Variants in EGF observed in about 807,000 individuals in gnomAD.
EGF encodes the protein epidermal growth factor, also known as pro-epidermal growth factor.
Under a neutral mutation model 143.8 loss-of-function variants are expected in EGF, and 95 were observed. That is an observed-to-expected ratio of 0.66 (90% CI 0.56 to 0.78). The LOEUF (loss-of-function observed/expected upper bound fraction) is 0.78. Ranked by LOEUF, EGF falls within the 30% of genes least tolerant of loss-of-function variation. EGF has a pLI of 0.00. For missense variants in EGF, 1,320 were observed against 1,470.9 expected (o/e 0.90, Z 1.68); for synonymous variants, 510 against 510.5 (o/e 1.00, Z 0.01).
At chr4:109,925,988 C>G (rs1579463637) in intron 1 of EGF, among the ~76,000 whole-genome samples, 1 of 152,282 alleles carries the variant, frequency 6.6e-6, no homozygotes, top group East Asian at 1.9e-4. Flanking sequence ...AGACTAGTCT[C>G]TTTATAATAC....
In EGF at chr4:109,999,746, G is replaced by A. The variant is rs149056615; in HGVS notation, c.3073G>A (p.Ala1025Thr). 15 of 1,613,956 alleles carry A rather than the reference G, an allele frequency of 9.3e-6. No individual in the cohort carries two copies. Among genetic ancestry groups the A allele is most frequent in the African/African-American group, 2.7e-5 (2 of 74,888 alleles). The stretch of plus-strand genomic sequence containing the variant: ...CCTGAAGTGGTGGGAACTGCGCCAC[G>A]CTGGCCACGGGCAGCAGCAGAAGGT... Reference protein sequence around the residue: ...RDLKWWELRHAGHGQQQKVIV... With the variant: ...RDLKWWELRHTGHGQQQKVIV... Residue 1025 changes from alanine to threonine, a missense_variant, in exon 21 of 24, where the codon GCT becomes ACT. Physicochemically the swap from Ala to Thr is moderately conservative, Grantham distance 58. Around this residue, in one of 5 missense-constraint regions of EGF, gnomAD observed 1,186 missense variants for 1,313.7 expected, o/e 0.90. Coordinates refer to ENST00000265171, the MANE Select transcript of EGF (RefSeq NM_001963.6).
chr4:109,923,385 G>A (rs1438345116), intron 1 of EGF, among the ~76,000 whole-genome samples: 7 of 151,358 alleles, frequency 4.6e-5, no homozygotes, highest in Non-Finnish European at 1.5e-5. Context: ...GTTTATCCTT[G>A]CAATTTGAGA....
At chr4:110,003,484 C>T (rs1196789137) in intron 21 of EGF, among the ~76,000 whole-genome samples, 1 of 152,164 alleles carries the variant, frequency 6.6e-6, no homozygotes, top group Non-Finnish European at 1.5e-5. Context: ...TCTCTTGGTA[C>T]TGTCTGTGAT....
chr4:109,913,432 C>T lies in EGF; in HGVS notation c.97C>T (p.Leu33Phe), dbSNP rs1736049556. 6.2e-7 allele frequency: 1 copy of T among 1,613,780 alleles called. No homozygotes were observed. Among genetic ancestry groups the T allele is most frequent in the Admixed American group, 1.7e-5 (1 of 59,948 alleles). Residue 33 changes from leucine (L) to phenylalanine (F), a missense_variant, in exon 1 of 24, where the codon CTC becomes TTC. Physicochemically the swap from Leu to Phe is conservative, Grantham distance 22 (BLOSUM62 0). Around this residue, in one of 5 missense-constraint regions of EGF, gnomAD observed 79 missense variants for 71.2 expected, o/e 1.11. Transcript: ENST00000265171. Reference protein sequence around the residue: ...PQHWSCPEGTLAGNGNSTCVG... With the variant: ...PQHWSCPEGTFAGNGNSTCVG... Reference sequence around the variant, plus strand: ...GCACTGGAGCTGTCCTGAAGGTACTCTCGCAGGAAATGGGAATTCTACTTG... The same window carrying T: ...GCACTGGAGCTGTCCTGAAGGTACTTTCGCAGGAAATGGGAATTCTACTTG...
At chr4:109,918,335 A>C (rs1364599130) in intron 1 of EGF, among the ~76,000 whole-genome samples, 1 of 151,954 alleles carries the variant, frequency 6.6e-6, no homozygotes, top group Non-Finnish European at 1.5e-5. Context: ...TAATGGTAGA[A>C]ACAGAAATGC....
In EGF at chr4:109,992,978, A is replaced by G. The variant is rs551582184; in HGVS notation, c.2735-269A>G. ...GGGGGGAGGGGGGAGGGATAGCATT[A>G]GGAGATACACCTAAAATAAATGACG... On this transcript the variant is annotated intron_variant, in intron 18 of 23. Coordinates refer to ENST00000265171, the MANE Select transcript of EGF (RefSeq NM_001963.6). Among the ~76,000 whole-genome samples the G allele has an allele frequency of 4.8e-5, 7 of 145,530 alleles. No individual in the cohort carries two copies. The East Asian group carries it at 1.2e-3, about 24-fold the overall frequency.
chr4:109,923,152 G>A (rs1002624896), intron 1 of EGF, among the ~76,000 whole-genome samples: 4 of 151,138 alleles, frequency 2.6e-5, no homozygotes, highest in African/African-American at 7.4e-5. Flanking sequence ...ATGTCTTCAA[G>A]AGAATTATAT....
At chr4:110,001,942 G>T in intron 21 of EGF, 1 of 985,336 alleles carries the variant, frequency 1.0e-6, no homozygotes, top group Non-Finnish European at 1.2e-6. Context: ...TCTCCGCAAA[G>T]TTTCAGCTAT....
chr4:109,952,238 G>T (rs189547260), intron 5 of EGF, among the ~76,000 whole-genome samples: 1 of 152,214 alleles, frequency 6.6e-6, no homozygotes, highest in African/African-American at 2.4e-5. Flanking sequence ...TGTTGTAAAA[G>T]GTCCAAATAT....
chr4:109,916,617 C>T (rs1736705137), intron 1 of EGF, among the ~76,000 whole-genome samples: 1 of 151,792 alleles, frequency 6.6e-6, no homozygotes, highest in South Asian at 2.1e-4. Context: ...GGAATCTAGG[C>T]CTTATTTTTT....
At chr4:109,963,840 C>T (rs571123202) in intron 9 of EGF, among the ~76,000 whole-genome samples, 1 of 152,290 alleles carries the variant, frequency 6.6e-6, no homozygotes, top group Admixed American at 6.5e-5. Context: ...ATATAATGCT[C>T]ATAATGCTAT....
At chr4:109,946,152 C>T (rs1053652720) in intron 5 of EGF, among the ~76,000 whole-genome samples, 3 of 152,314 alleles carry the variant, frequency 2.0e-5, no homozygotes, top group East Asian at 1.9e-4. Context: ...ATGTCCACTT[C>T]TCTTCTCTAT....
intron 15 of EGF, among the ~76,000 whole-genome samples, chr4:109,983,113 G>A (rs543369136): frequency 1.3e-5 from 2 of 152,152 alleles, no homozygotes; most frequent in Non-Finnish European, 2.9e-5. Flanking sequence ...GTGATTATGA[G>A]CTGATCATGT....
intron 5 of EGF, among the ~76,000 whole-genome samples, chr4:109,958,721 A>G (rs1465950534): frequency 6.6e-6 from 1 of 151,954 alleles, no homozygotes; most frequent in East Asian, 1.9e-4. Context: ...TTGAGGTAGG[A>G]GTTCGAGACC....
At position 109,968,960 on chromosome 4, in the gene EGF, C is replaced by CT; in HGVS notation, c.1576-10dup. 1.2e-6 allele frequency: 2 copies of CT among 1,613,940 alleles called. No homozygotes were observed. On this transcript the variant is annotated splice_polypyrimidine_tract_variant and intron_variant, in intron 10 of 23. Transcript: ENST00000265171. ...AAAAAAAATCAGAAATGCCTGTGTT[C>CT]TCTTTTGTAGATATACTTTGCCCAT... is the stretch of plus-strand genomic sequence containing the variant.
intron 1 of EGF, among the ~76,000 whole-genome samples, chr4:109,915,461 T>C (rs975503165): frequency 3.9e-5 from 6 of 152,186 alleles, no homozygotes; most frequent in African/African-American, 1.2e-4. Flanking sequence ...ATTTGAACAG[T>C]GCAGTGACAC....
intron 17 of EGF, 45 bp downstream of exon 17, chr4:109,987,905 A>G: frequency 6.8e-7 from 1 of 1,462,140 alleles, no homozygotes. Flanking sequence ...ATACTGAACC[A>G]GAAACATTTT....
chr4:109,931,551 A>C (rs534827943), intron 1 of EGF, among the ~76,000 whole-genome samples: 1 of 152,350 alleles, frequency 6.6e-6, no homozygotes, highest in South Asian at 2.1e-4. Context: ...TCTACCACCT[A>C]CTAGTGGTGG....
At chr4:110,004,394 CAA>C (rs1399134626) in intron 21 of EGF, 109 bp from the exon 22 acceptor site, 1 of 888,232 alleles carries the variant, frequency 1.1e-6, no homozygotes, top group Non-Finnish European at 1.9e-6. Context: ...CTCTCCCACA[CAA>C]GTACTTAAAT....
Sources: gnomAD v4.1 joint callset for allele counts (sites outside exome capture counted in the v4.1 genomes callset) on GRCh38, gnomAD v4.1.1 for gene constraint, gnomAD v4.1.1 regional missense constraint, MANE v1.5 for transcripts, NCBI Gene and HGNC (gene_info 2026-07-23, HGNC 2026-07-21) for gene names.